Variants in SLC9A9 observed in about 807,000 individuals in gnomAD.
The protein encoded by SLC9A9 is solute carrier family 9 member A9, also known as sodium/hydrogen exchanger 9.
In SLC9A9, 62 loss-of-function variants were observed where a neutral mutation model predicts 77.8. The observed-to-expected ratio is 0.80, with a 90% CI of 0.65 to 0.98. SLC9A9 has a LOEUF of 0.98. SLC9A9 is among the 50% of genes least tolerant of loss of function. The probability of loss-of-function intolerance (pLI) is 0.00; values close to 1 mark genes in which losing one functional copy is unlikely to be tolerated. For missense variants in SLC9A9, 775 were observed against 774.9 expected, an observed-to-expected ratio of 1.00 and a Z score of 0.00; for synonymous variants, 320 against 283.5, an observed-to-expected ratio of 1.13 and a Z score of -1.29.
At chr3:143,680,493 G>T (rs1230867035) in intron 5 of SLC9A9, among the ~76,000 whole-genome samples, 1 of 151,884 alleles carries the variant, frequency 6.6e-6, no homozygotes, top group Non-Finnish European at 1.5e-5. Flanking sequence ...TTCATATCTT[G>T]TTTTACATTT....
intron 6 of SLC9A9, among the ~76,000 whole-genome samples, chr3:143,589,086 G>A (rs535309939): frequency 5.4e-4 from 82 of 152,270 alleles, no homozygotes; most frequent in African/African-American, 1.9e-3. Flanking sequence ...AATCCCCACG[G>A]TTGAAAATAG....
chr3:143,317,326 G>A (rs1298799466), intron 14 of SLC9A9, among the ~76,000 whole-genome samples: 1 of 151,852 alleles, frequency 6.6e-6, no homozygotes, highest in African/African-American at 2.4e-5. Context: ...TGCCCGAGGA[G>A]CTACTGCTCC....
chr3:143,580,396 G>A (rs1225545012), intron 6 of SLC9A9, among the ~76,000 whole-genome samples: 1 of 152,100 alleles, frequency 6.6e-6, no homozygotes, highest in East Asian at 1.9e-4. Flanking sequence ...GAACAAGCAC[G>A]GCTTTATCCT....
intron 1 of SLC9A9, among the ~76,000 whole-genome samples, chr3:143,846,849 G>T (rs1159676427): frequency 1.3e-5 from 2 of 150,444 alleles, no homozygotes; most frequent in Non-Finnish European, 2.9e-5. Context: ...GTGCCATGTT[G>T]GTGTGCTGCA....
intron 6 of SLC9A9, among the ~76,000 whole-genome samples, chr3:143,632,284 A>G (rs2038440095): frequency 6.6e-6 from 1 of 152,172 alleles, no homozygotes; most frequent in Non-Finnish European, 1.5e-5. Context: ...ACAAAACAGC[A>G]GGCACAAAAG....
rs60192531 is a variant in SLC9A9 at position 143,703,231 on chromosome 3, T to C, written c.534-9924A>G. ...CTATAGACCAAATGCACCTAATAGATATAGAACATTTCATCCAATGGCTAA... is the reference window on the plus strand; with the variant it reads ...CTATAGACCAAATGCACCTAATAGACATAGAACATTTCATCCAATGGCTAA... On this transcript the variant is annotated intron_variant, in intron 4 of 15. Transcript: ENST00000316549. 4.5e-3 allele frequency among the ~76,000 whole-genome samples: 686 copies of C among 152,198 alleles called. 3 individuals are homozygous for C. The highest frequency in any genetic ancestry group is 0.016 in the African/African-American group (660 of 41,554).
intron 14 of SLC9A9, among the ~76,000 whole-genome samples, chr3:143,305,069 C>T (rs2030718488): frequency 1.3e-5 from 2 of 152,120 alleles, no homozygotes; most frequent in South Asian, 2.1e-4. Context: ...GATTCCCTTC[C>T]ATCTACTAAG....
At chr3:143,752,152 G>C (rs2006745125) in intron 4 of SLC9A9, among the ~76,000 whole-genome samples, 1 of 152,210 alleles carries the variant, frequency 6.6e-6, no homozygotes, top group Non-Finnish European at 1.5e-5. Context: ...CTCAGCTGCA[G>C]CAGCAGAGTG....
intron 4 of SLC9A9, among the ~76,000 whole-genome samples, chr3:143,749,303 C>T (rs2108823280): frequency 6.6e-6 from 1 of 152,162 alleles, no homozygotes. Context: ...CTCCTGTTTT[C>T]CTCCCTTTAG....
At chr3:143,459,861 A>G (rs2035159601) in intron 12 of SLC9A9, among the ~76,000 whole-genome samples, 1 of 152,092 alleles carries the variant, frequency 6.6e-6, no homozygotes, top group Non-Finnish European at 1.5e-5. Context: ...GAGAGGATTA[A>G]GAGAAAAAAA....
intron 4 of SLC9A9, among the ~76,000 whole-genome samples, chr3:143,794,086 C>T (rs2008299429): frequency 6.6e-6 from 1 of 152,196 alleles, no homozygotes. Context: ...GCATTCAACA[C>T]AAAATCCCTC....
At chr3:143,308,125 C>G (rs1179258935) in intron 14 of SLC9A9, among the ~76,000 whole-genome samples, 1 of 152,212 alleles carries the variant, frequency 6.6e-6, no homozygotes, top group East Asian at 1.9e-4. Context: ...ACCACTGATT[C>G]TGTTTCTGTA....
intron 9 of SLC9A9, among the ~76,000 whole-genome samples, chr3:143,545,385 A>C (rs1478716924): frequency 6.6e-6 from 1 of 152,200 alleles, no homozygotes; most frequent in African/African-American, 2.4e-5. Context: ...ATGTGAGTGC[A>C]TGCATGCATA....
chr3:143,606,334 G>A (rs1344506405), intron 6 of SLC9A9, among the ~76,000 whole-genome samples: 1 of 151,094 alleles, frequency 6.6e-6, no homozygotes, highest in Non-Finnish European at 1.5e-5. Context: ...GAACCTGGGG[G>A]AACGAGATGG....
At chr3:143,506,433 C>T (rs1162550562) in intron 9 of SLC9A9, among the ~76,000 whole-genome samples, 2 of 152,184 alleles carry the variant, frequency 1.3e-5, no homozygotes, top group Admixed American at 1.3e-4. Flanking sequence ...CTTTCAACCA[C>T]TTCTCCTATT....
At chr3:143,325,906 AAG>A (rs772269677) in intron 14 of SLC9A9, among the ~76,000 whole-genome samples, 1 of 152,182 alleles carries the variant, frequency 6.6e-6, no homozygotes, top group African/African-American at 2.4e-5. Flanking sequence ...GCCCTCAATA[AAG>A]AGTTAGGCAT....
chr3:143,731,474 C>G (rs568617123), intron 4 of SLC9A9, among the ~76,000 whole-genome samples: 79 of 152,312 alleles, frequency 5.2e-4, no homozygotes, highest in Middle Eastern at 3.4e-3. Context: ...TCTCTCAATT[C>G]TCCAGCTCCA....
chr3:143,775,256 A>G (rs1265996889), intron 4 of SLC9A9, among the ~76,000 whole-genome samples: 6 of 152,190 alleles, frequency 3.9e-5, no homozygotes, highest in South Asian at 2.1e-4. Flanking sequence ...AAATGAACCA[A>G]TGCTTATATA....
chr3:143,683,706 G>C (rs573262119), intron 5 of SLC9A9, among the ~76,000 whole-genome samples: 1 of 152,134 alleles, frequency 6.6e-6, no homozygotes, highest in East Asian at 1.9e-4. Flanking sequence ...TCTGAGATTT[G>C]CTTTTAAAAA....
Sources: allele counts gnomAD v4.1 joint callset (sites outside exome capture counted in the v4.1 genomes callset), GRCh38; gene constraint gnomAD v4.1.1; transcripts MANE v1.5; gene names NCBI Gene and HGNC (gene_info 2026-07-23, HGNC 2026-07-21).